SPTB: variants seen among roughly 807,000 people sequenced by gnomAD.
SPTB encodes the protein spectrin beta, erythrocytic, also known as spectrin beta chain, erythrocytic.
A neutral mutation model predicts 256.2 loss-of-function variants in SPTB; 45 were observed. That is an observed-to-expected ratio of 0.18 (90% CI 0.14 to 0.23). The LOEUF is 0.23. Among genes scored for constraint, SPTB ranks in the 10% least tolerant of loss-of-function variants. SPTB has a pLI of 1.00. For synonymous variants in SPTB, 1,231 were observed against 1,243.1 expected, an observed-to-expected ratio of 0.99 and a Z score of 0.21; for missense variants, 2,715 against 3,040.4, an observed-to-expected ratio of 0.89 and a Z score of 2.52.
chr14:64,862,064 C>G (rs1246452901), intron 1 of SPTB, among the ~76,000 whole-genome samples: 1 of 152,222 alleles, frequency 6.6e-6, no homozygotes, highest in Admixed American at 6.5e-5. Flanking sequence ...CAAATCGACA[C>G]CCCCAGCCCA....
At chr14:64,822,643 A>G (rs1294521121) in intron 2 of SPTB, among the ~76,000 whole-genome samples, 2 of 152,076 alleles carry the variant, frequency 1.3e-5, no homozygotes, top group Non-Finnish European at 2.9e-5. Context: ...CAGCCCTCAG[A>G]CACTGCTTTG....
intron 1 of SPTB, among the ~76,000 whole-genome samples, chr14:64,865,473 C>T (rs1016233366): frequency 6.6e-6 from 1 of 152,112 alleles, no homozygotes. Flanking sequence ...ATCCCTCCCC[C>T]ACCTGGACTG....
chr14:64,849,102 C>T (rs1452308963), intron 1 of SPTB, among the ~76,000 whole-genome samples: 1 of 152,118 alleles, frequency 6.6e-6, no homozygotes, highest in African/African-American at 2.4e-5. Flanking sequence ...TAAGTTATAG[C>T]CTTTATTTAT....
intron 2 of SPTB, among the ~76,000 whole-genome samples, chr14:64,818,604 T>C (rs2083233475): frequency 1.3e-5 from 2 of 152,110 alleles, no homozygotes; most frequent in East Asian, 1.9e-4. Context: ...GGCAGGCAGA[T>C]GCCTCCTCTG....
chr14:64,858,282 T>C (rs927642797), intron 1 of SPTB, among the ~76,000 whole-genome samples: 1 of 152,212 alleles, frequency 6.6e-6, no homozygotes, highest in Non-Finnish European at 1.5e-5. Context: ...AAGAGGCTGC[T>C]GCAGCAGCGG....
chr14:64,764,324 C>T lies in SPTB; in HGVS notation c.6345+2402G>A, dbSNP rs966311035. The stretch of plus-strand genomic sequence containing the variant: ...AAGGTGGATGGGGTATTAGGCCCTC[C>T]CTCTGAGGTTCGTGGATCCCCATGA... On this transcript the variant is annotated intron_variant, in intron 32 of 35. Transcript: ENST00000644917. The surrounding 1 kb of genome is among the most constrained non-coding windows in gnomAD (Gnocchi z 4.2). Among the ~76,000 whole-genome samples the T allele has an allele frequency of 6.6e-6, 1 of 152,244 alleles. No homozygotes were observed. The highest frequency in any genetic ancestry group is 1.5e-5 in the Non-Finnish European group (1 of 68,044).
In SPTB at chr14:64,784,400, G is replaced by A; in HGVS notation, c.3856-7C>T. 6.2e-7 allele frequency: 1 copy of A among 1,614,068 alleles called. No homozygotes were observed. Among genetic ancestry groups the A allele is most frequent in the Non-Finnish European group, 8.5e-7 (1 of 1,180,024 alleles). On this transcript the variant is annotated splice_region_variant and splice_polypyrimidine_tract_variant and intron_variant, in intron 18 of 35. Transcript: ENST00000644917. ...CGTTGATCCAGAGAGTGAGCTGTGTGCATAAAGAGTGGGCTGACTATCCCT... is the reference window on the plus strand; with the variant it reads ...CGTTGATCCAGAGAGTGAGCTGTGTACATAAAGAGTGGGCTGACTATCCCT...
intron 19 of SPTB, among the ~76,000 whole-genome samples, chr14:64,783,148 TTGGGTGGG>T (rs2082501359): frequency 6.6e-6 from 1 of 152,232 alleles, no homozygotes; most frequent in African/African-American, 2.4e-5. Flanking sequence ...TGTATCATTT[TTGGGTGGG>T]CACAGTGTGA....
chr14:64,773,200 C>G lies in SPTB; in HGVS notation c.5178+20G>C. ...CCGCATTAGAGAAAGACAAAAACAG[C>G]AGGAGTTGTGGCTACTCACAGTCAC... On this transcript the variant is annotated intron_variant, in intron 25 of 35. Transcript: ENST00000644917. The G allele has an allele frequency of 6.2e-7, 1 of 1,614,102 alleles. No homozygotes were observed. Among genetic ancestry groups the G allele is most frequent in the Non-Finnish European group, 8.5e-7 (1 of 1,179,958 alleles).
Position 64,773,440 on chromosome 14 carries a change from A to G in SPTB, c.4974-16T>C. 6.2e-7 allele frequency: 1 copy of G among 1,612,772 alleles called. No individual in the cohort carries two copies. The highest frequency in any genetic ancestry group is 8.5e-7 in the Non-Finnish European group (1 of 1,179,908). On this transcript the variant is annotated splice_polypyrimidine_tract_variant and intron_variant, in intron 24 of 35. Transcript: ENST00000644917. Reference sequence around the variant, plus strand: ...GATCTGTTCCCTGGAATTCAAAACCAAAAAGGCCCTCAGAGACGGCAGCCA... The same window carrying G: ...GATCTGTTCCCTGGAATTCAAAACCGAAAAGGCCCTCAGAGACGGCAGCCA...
At chr14:64,784,447 C>A in intron 18 of SPTB, 54 bp from the exon 19 acceptor site, 1 of 1,607,002 alleles carries the variant, frequency 6.2e-7, no homozygotes, top group Non-Finnish European at 8.5e-7. Flanking sequence ...TTTGGCAGAG[C>A]AGAACCTGCT....
At chr14:64,835,703 C>T (rs444583) in intron 1 of SPTB, among the ~76,000 whole-genome samples, 25,710 of 152,160 alleles carry the variant, frequency 0.17, 3,911 homozygotes, top group African/African-American at 0.4. Flanking sequence ...ATATTTGGCT[C>T]TTTATAGGAT....
At chr14:64,819,007 A>G (rs1402897516) in intron 2 of SPTB, among the ~76,000 whole-genome samples, 2 of 152,144 alleles carry the variant, frequency 1.3e-5, no homozygotes, top group Non-Finnish European at 2.9e-5. Flanking sequence ...CAGCTTAGAG[A>G]CTGATGTTAA....
chr14:64,757,921 A>G (rs2082037832), intron 32 of SPTB, among the ~76,000 whole-genome samples: 1 of 152,142 alleles, frequency 6.6e-6, no homozygotes, highest in Non-Finnish European at 1.5e-5. Flanking sequence ...TCTCCCATCC[A>G]GGACCAACAG....
rs2083670550 is a variant in SPTB, at chr14:64,845,203, C to T, written c.-51-22058G>A. On this transcript the variant is annotated intron_variant, in intron 1 of 35. Transcript: ENST00000644917. The surrounding 1 kb of genome is among the most constrained non-coding windows in gnomAD (Gnocchi z 4.8). ...CTTTTATGCCCTACACAGTTTGCTA[C>T]ACCCACTGCATGTGGACATCCTTAT... 6.6e-6 allele frequency among the ~76,000 whole-genome samples: 1 copy of T among 152,252 alleles called. No individual in the cohort carries two copies. The highest frequency in any genetic ancestry group is 1.5e-5 in the Non-Finnish European group (1 of 68,044).
chr14:64,823,442 G>A lies in SPTB; in HGVS notation c.-51-297C>T, dbSNP rs1266350425. On this transcript the variant is annotated intron_variant, in intron 1 of 35. Coordinates refer to ENST00000644917, the MANE Select transcript of SPTB (RefSeq NM_001355436.2). The surrounding 1 kb of genome is among the most constrained non-coding windows in gnomAD (Gnocchi z 6.5). Reference sequence around the variant, plus strand: ...GCAGCCAGCTGCTTCCTCCAGACCAGCCGCCCCGCCGCGGGGAGCACCCCG... The same window carrying A: ...GCAGCCAGCTGCTTCCTCCAGACCAACCGCCCCGCCGCGGGGAGCACCCCG... 6.6e-6 allele frequency among the ~76,000 whole-genome samples: 1 copy of A among 152,182 alleles called. No homozygotes were observed. The highest frequency in any genetic ancestry group is 1.5e-5 in the Non-Finnish European group (1 of 68,036).
chr14:64,822,832 T>A, intron 2 of SPTB, 115 bp downstream of exon 2: 1 of 1,495,676 alleles, frequency 6.7e-7, no homozygotes, highest in Non-Finnish European at 9.3e-7. Flanking sequence ...CACGTCTCCA[T>A]CACTGCCATG....
At position 64,793,013 on chromosome 14, in the gene SPTB, C is replaced by G; in HGVS notation, c.2650G>C (p.Glu884Gln). Residue 884 changes from glutamate to glutamine, a missense_variant, in exon 14 of 36, where the codon GAG (glutamate) becomes CAG (glutamine). By Grantham distance (29) the Glu-to-Gln change is conservative. Around this residue, in one of 4 missense-constraint regions of SPTB, gnomAD observed 2,239 missense variants for 2,384.4 expected, o/e 0.94. Coordinates refer to ENST00000644917, the MANE Select transcript of SPTB (RefSeq NM_001355436.2). This position sits in a 1 kb window ranked among gnomAD's most constrained non-coding sequence, Gnocchi z 7.0. ...AACTCTGACCTGTGCTGCACGACCT[C>G]CAGGTCCTCCAGGGTGTCTGGCATT... is the stretch of plus-strand genomic sequence containing the variant. The part of the protein sequence containing the change: ...MEMPDTLEDL[E>Q]VVQHRFDILD... The G allele has an allele frequency of 1.9e-6, 3 of 1,613,968 alleles. No homozygotes were observed. Among genetic ancestry groups the G allele is most frequent in the Non-Finnish European group, 2.5e-6 (3 of 1,180,026 alleles).
At chr14:64,843,580 G>A (rs939636479) in intron 1 of SPTB, among the ~76,000 whole-genome samples, 9 of 152,092 alleles carry the variant, frequency 5.9e-5, no homozygotes, top group South Asian at 4.1e-4. Context: ...CTTAGTCTCC[G>A]GTAGTAGGAA....
Sources: gnomAD v4.1 joint callset for allele counts (sites outside exome capture counted in the v4.1 genomes callset) on GRCh38, gnomAD v4.1.1 for gene constraint, gnomAD v4.1.1 regional missense constraint, Gnocchi (gnomAD v3.1) non-coding constraint, MANE v1.5 for transcripts, NCBI Gene and HGNC (gene_info 2026-07-23, HGNC 2026-07-21) for gene names.